ENTREP2: variants seen among roughly 807,000 people sequenced by gnomAD.
ENTREP2 encodes the protein protein ENTREP2.
the ENTREP2 span, among the ~76,000 whole-genome samples, chr15:29,232,788 C>T: frequency 1.3e-5 from 2 of 152,176 alleles, no homozygotes; most frequent in Admixed American, 6.5e-5. Context: ...GGATTACAGG[C>T]GGTGTGCCAC....
the ENTREP2 span, among the ~76,000 whole-genome samples, chr15:29,352,239 A>G: frequency 2.0e-5 from 3 of 152,288 alleles, no homozygotes; most frequent in East Asian, 5.8e-4. Context: ...CTGGCTTCAT[A>G]GGAAATTTAA....
chr15:29,374,553 T>C, the ENTREP2 span: 2 of 152,150 alleles, frequency 1.3e-5, no homozygotes, highest in Middle Eastern at 3.2e-3. Context: ...CCACAATACA[T>C]TGGTGCATTT....
the ENTREP2 span, among the ~76,000 whole-genome samples, chr15:29,132,979 C>T: frequency 3.3e-5 from 5 of 152,260 alleles, no homozygotes; most frequent in South Asian, 2.1e-4. Flanking sequence ...GCTGCCCCCG[C>T]GCCACAAGGC....
the ENTREP2 span, among the ~76,000 whole-genome samples, chr15:29,155,233 G>C: frequency 6.7e-6 from 1 of 149,106 alleles, no homozygotes; most frequent in Non-Finnish European, 1.5e-5. Flanking sequence ...AGTGAGCCAA[G>C]ATCGCGCCAC....
At chr15:29,663,955 G>A in the ENTREP2 span, among the ~76,000 whole-genome samples, 95 of 151,778 alleles carry the variant, frequency 6.3e-4, no homozygotes, top group African/African-American at 1.7e-3. Context: ...TTGAACCCAG[G>A]AGGCAGAGGT....
chr15:29,406,863 C>A, the ENTREP2 span, among the ~76,000 whole-genome samples: 3 of 152,204 alleles, frequency 2.0e-5, no homozygotes, highest in Non-Finnish European at 4.4e-5. Flanking sequence ...AATATAGCAA[C>A]AACCCACCTT....
chr15:29,221,794 A>T, the ENTREP2 span, among the ~76,000 whole-genome samples: 1 of 152,198 alleles, frequency 6.6e-6, no homozygotes, highest in African/African-American at 2.4e-5. Context: ...GTGCTGGGTA[A>T]CAGGAAAATA....
At chr15:29,490,043 A>G in the ENTREP2 span, among the ~76,000 whole-genome samples, 1 of 152,260 alleles carries the variant, frequency 6.6e-6, no homozygotes, top group African/African-American at 2.4e-5. Context: ...TGGAAAATGA[A>G]TTATATAGTC....
chr15:29,470,568 A>G, the ENTREP2 span, among the ~76,000 whole-genome samples: 1 of 152,172 alleles, frequency 6.6e-6, no homozygotes. Flanking sequence ...GGTCTTTTCC[A>G]GGGAAGCCCA....
the ENTREP2 span, among the ~76,000 whole-genome samples, chr15:29,448,997 G>A: frequency 6.6e-6 from 1 of 152,156 alleles, no homozygotes; most frequent in African/African-American, 2.4e-5. Context: ...GCCTGGGATG[G>A]AGCACCTCCT....
At chr15:29,516,920 G>T in the ENTREP2 span, among the ~76,000 whole-genome samples, 1 of 126,898 alleles carries the variant, frequency 7.9e-6, no homozygotes, top group Non-Finnish European at 1.6e-5. Flanking sequence ...CCTTCAAATG[G>T]AAAGCCAATT....
chr15:29,181,178 T>C, the ENTREP2 span, among the ~76,000 whole-genome samples: 2 of 152,218 alleles, frequency 1.3e-5, no homozygotes, highest in African/African-American at 4.8e-5. Flanking sequence ...GGACAATTTA[T>C]TCCAGAAAAG....
At chr15:29,579,299 C>T in the ENTREP2 span, among the ~76,000 whole-genome samples, 3 of 152,168 alleles carry the variant, frequency 2.0e-5, no homozygotes, top group East Asian at 1.9e-4. Flanking sequence ...TTTTTGGTGT[C>T]GATTATGTGA....
chr15:29,446,603 A>C, the ENTREP2 span, among the ~76,000 whole-genome samples: 2 of 152,186 alleles, frequency 1.3e-5, no homozygotes, highest in African/African-American at 4.8e-5. Context: ...CTTTTTCTTG[A>C]TATACGTGTA....
the ENTREP2 span, among the ~76,000 whole-genome samples, chr15:29,535,417 C>G: frequency 6.6e-6 from 1 of 151,792 alleles, no homozygotes; most frequent in Non-Finnish European, 1.5e-5. Flanking sequence ...GGCATGGTGG[C>G]TCATGCCTGT....
the ENTREP2 span, among the ~76,000 whole-genome samples, chr15:29,560,398 G>C: frequency 1.3e-5 from 2 of 152,228 alleles, no homozygotes; most frequent in Non-Finnish European, 2.9e-5. Flanking sequence ...AGACCTGTGT[G>C]AGTGACAGAA....
chr15:29,461,518 G>A, the ENTREP2 span, among the ~76,000 whole-genome samples: 1 of 151,938 alleles, frequency 6.6e-6, no homozygotes, highest in African/African-American at 2.4e-5. Flanking sequence ...GTCTTGCTCT[G>A]TCGCCCAGGC....
the ENTREP2 span, among the ~76,000 whole-genome samples, chr15:29,594,560 T>C: frequency 6.6e-6 from 1 of 152,174 alleles, no homozygotes; most frequent in South Asian, 2.1e-4. Context: ...CTCAGCAATG[T>C]ACACGGTGGC....
chr15:29,176,037 A>G, the ENTREP2 span, among the ~76,000 whole-genome samples: 1 of 152,252 alleles, frequency 6.6e-6, no homozygotes, highest in Non-Finnish European at 1.5e-5. Flanking sequence ...GGACGAAGCT[A>G]AAAAGAATGA....
Sources: allele counts gnomAD v4.1 joint callset (sites outside exome capture counted in the v4.1 genomes callset), GRCh38; gene constraint gnomAD v4.1.1; transcripts MANE v1.5; gene names NCBI Gene and HGNC (gene_info 2026-07-23, HGNC 2026-07-21).